The following TMEM117 variants were observed in gnomAD, a reference collection of about 807,000 sequenced individuals.
The protein encoded by TMEM117 is transmembrane protein 117.
In TMEM117, 27 loss-of-function variants were observed where a neutral mutation model predicts 52.4. The observed-to-expected ratio is 0.51, with a 90% CI of 0.38 to 0.71. TMEM117 has a LOEUF of 0.71. Among genes scored for constraint, TMEM117 ranks in the 30% least tolerant of loss-of-function variants. TMEM117 has a pLI of 0.00. For synonymous variants in TMEM117, 215 were observed against 206.3 expected (o/e 1.04, Z -0.36); for missense variants, 556 against 630.5 (o/e 0.88, Z 1.26).
chr12:44,334,357 C>T (rs1358048878), intron 6 of TMEM117, among the ~76,000 whole-genome samples: 2 of 152,024 alleles, frequency 1.3e-5, no homozygotes, highest in Middle Eastern at 6.8e-3. Context: ...AGCATTCATC[C>T]TGGATATCAT....
Position 44,237,788 on chromosome 12 carries a change from A to G in TMEM117, c.608+26401A>G, listed in dbSNP as rs151258369. Reference sequence around the variant, plus strand: ...TAATCATCATTATCTGATATAATTCATGGCATATAATAGGTATTAGATACA... The same window carrying G: ...TAATCATCATTATCTGATATAATTCGTGGCATATAATAGGTATTAGATACA... On this transcript the variant is annotated intron_variant, in intron 5 of 7. Transcript: ENST00000266534. Among the ~76,000 whole-genome samples, 799 of 152,280 alleles carry G rather than the reference A, an allele frequency of 5.2e-3. 8 individuals are homozygous for G. The highest frequency in any genetic ancestry group is 0.018 in the African/African-American group (741 of 41,576).
intron 3 of TMEM117, among the ~76,000 whole-genome samples, chr12:43,981,812 CAT>C: frequency 6.6e-6 from 1 of 152,072 alleles, no homozygotes; most frequent in South Asian, 2.1e-4. Context: ...ATGTAGGTAT[CAT>C]AGAAGCAGAG....
intron 6 of TMEM117, among the ~76,000 whole-genome samples, chr12:44,344,936 G>T: frequency 6.6e-6 from 1 of 151,992 alleles, no homozygotes; most frequent in South Asian, 2.1e-4. Context: ...TGCTTCTCCT[G>T]CCCTTGCTAT....
chr12:44,045,676 C>G (rs1039291044), intron 3 of TMEM117, among the ~76,000 whole-genome samples: 3 of 152,052 alleles, frequency 2.0e-5, no homozygotes, highest in Admixed American at 2.0e-4. Flanking sequence ...AACCCTGTCT[C>G]TACTAAAAAT....
chr12:44,377,759 T>G (rs1238648369), intron 7 of TMEM117, among the ~76,000 whole-genome samples: 1 of 152,192 alleles, frequency 6.6e-6, no homozygotes, highest in Admixed American at 6.5e-5. Context: ...AATCTGTGCT[T>G]ACACTACCGT....
chr12:43,885,419 C>CT (rs370241455), intron 2 of TMEM117, among the ~76,000 whole-genome samples: 8,632 of 141,062 alleles, frequency 0.061, 332 homozygotes, highest in Middle Eastern at 0.14. Context: ...CTTTTCTTTT[C>CT]TTTTTTTTTT....
intron 5 of TMEM117, among the ~76,000 whole-genome samples, chr12:44,218,233 A>G (rs1212157773): frequency 6.6e-6 from 1 of 152,052 alleles, no homozygotes; most frequent in Non-Finnish European, 1.5e-5. Flanking sequence ...AAAAAAACAA[A>G]AAACAAAAAA....
intron 5 of TMEM117, among the ~76,000 whole-genome samples, chr12:44,253,847 C>T (rs1189323177): frequency 6.7e-6 from 1 of 149,236 alleles, no homozygotes; most frequent in East Asian, 1.9e-4. Flanking sequence ...CACACACACA[C>T]ACACACACAC....
intron 3 of TMEM117, among the ~76,000 whole-genome samples, chr12:43,981,669 A>G (rs1357886150): frequency 6.6e-6 from 1 of 152,236 alleles, no homozygotes; most frequent in East Asian, 1.9e-4. Flanking sequence ...GTATTACAAA[A>G]AAGATACAAG....
chr12:44,181,033 A>G (rs1231119151), intron 4 of TMEM117, among the ~76,000 whole-genome samples: 2 of 152,232 alleles, frequency 1.3e-5, no homozygotes, highest in South Asian at 2.1e-4. Context: ...TGACTTTTTA[A>G]TGATTGCCAT....
the TMEM117 span, chr12:43,806,232 G>C: frequency 1.9e-6 from 3 of 1,538,938 alleles, no homozygotes; most frequent in Non-Finnish European, 2.6e-6. Flanking sequence ...TTGGATGCCG[G>C]TCTGGTGGGA....
At chr12:44,012,939 T>C (rs1946317009) in intron 3 of TMEM117, among the ~76,000 whole-genome samples, 1 of 152,068 alleles carries the variant, frequency 6.6e-6, no homozygotes, top group Admixed American at 6.6e-5. Context: ...CCTTCAGTGA[T>C]GCAGTGGTAG....
chr12:44,323,903 A>G (rs998264142), intron 6 of TMEM117, among the ~76,000 whole-genome samples: 2 of 152,180 alleles, frequency 1.3e-5, no homozygotes, highest in East Asian at 1.9e-4. Context: ...TGTTAGTCTT[A>G]TAAATAAGCT....
At chr12:44,105,475 C>G (rs913099421) in intron 3 of TMEM117, among the ~76,000 whole-genome samples, 23 of 151,388 alleles carry the variant, frequency 1.5e-4, no homozygotes, top group Non-Finnish European at 3.1e-4. Context: ...GATTCTGATG[C>G]TTGTCCATTT....
intron 3 of TMEM117, among the ~76,000 whole-genome samples, chr12:44,079,963 C>T (rs185144998): frequency 2.7e-5 from 4 of 147,312 alleles, no homozygotes; most frequent in Non-Finnish European, 4.5e-5. Context: ...GGTTGTAGTG[C>T]ACCGAGATGA....
At chr12:44,211,731 G>A (rs1047625175) in intron 5 of TMEM117, among the ~76,000 whole-genome samples, 7 of 152,116 alleles carry the variant, frequency 4.6e-5, no homozygotes, top group African/African-American at 1.7e-4. Context: ...TAGTATATTT[G>A]ACAGGATATG....
At chr12:43,954,203 AAG>A (rs1945270278) in intron 3 of TMEM117, among the ~76,000 whole-genome samples, 1 of 152,212 alleles carries the variant, frequency 6.6e-6, no homozygotes, top group African/African-American at 2.4e-5. Context: ...AAAAGCTAGA[AAG>A]ATCTCAAATT....
At chr12:44,264,765 A>G (rs539059954) in intron 5 of TMEM117, among the ~76,000 whole-genome samples, 1 of 152,324 alleles carries the variant, frequency 6.6e-6, no homozygotes, top group Admixed American at 6.5e-5. Flanking sequence ...TGAAAATCAT[A>G]CCAAATGTCA....
chr12:44,357,973 A>G (rs1035045198), intron 6 of TMEM117, among the ~76,000 whole-genome samples: 9 of 152,178 alleles, frequency 5.9e-5, no homozygotes, highest in African/African-American at 1.9e-4. Flanking sequence ...CATTTACACC[A>G]TGGAATACTA....
Sources: allele counts gnomAD v4.1 joint callset (sites outside exome capture counted in the v4.1 genomes callset), GRCh38; gene constraint gnomAD v4.1.1; transcripts MANE v1.5; gene names NCBI Gene and HGNC (gene_info 2026-07-23, HGNC 2026-07-21).